EPHA3: variants seen among roughly 807,000 people sequenced by gnomAD.
EPHA3 encodes the protein ephrin type-A receptor 3.
A neutral mutation model predicts 107.1 loss-of-function variants in EPHA3; 42 were observed. The ratio of observed to expected loss-of-function variants is 0.39; its 90% CI spans 0.31 to 0.51. EPHA3 has a LOEUF of 0.51. Among genes scored for constraint, EPHA3 ranks in the 20% least tolerant of loss-of-function variants. EPHA3 has a pLI of 0.78. For synonymous variants in EPHA3, 461 were observed against 424.8 expected, an observed-to-expected ratio of 1.09 and a Z score of -1.05; for missense variants, 1,183 against 1,211.2, an observed-to-expected ratio of 0.98 and a Z score of 0.35.
chr3:89,383,073 T>C (rs897196948), intron 5 of EPHA3, among the ~76,000 whole-genome samples: 1 of 152,202 alleles, frequency 6.6e-6, no homozygotes, highest in Non-Finnish European at 1.5e-5. Context: ...ATTCTATTCA[T>C]AAATTTGAAA....
intron 15 of EPHA3, among the ~76,000 whole-genome samples, chr3:89,468,670 G>T (rs1372578223): frequency 1.7e-4 from 26 of 152,106 alleles, no homozygotes; most frequent in Non-Finnish European, 3.7e-4. Context: ...GGTTTCACAT[G>T]ATTTTTCTTC....
At chr3:89,167,549 C>A (rs1452816903) in intron 2 of EPHA3, among the ~76,000 whole-genome samples, 1 of 151,898 alleles carries the variant, frequency 6.6e-6, no homozygotes, top group Non-Finnish European at 1.5e-5. Context: ...ATACTAACTC[C>A]ATAGTTTGAA....
Position 89,355,825 on chromosome 3 carries a change from TA to T in EPHA3, c.1306+13736del, listed in dbSNP as rs1326566720. On this transcript the variant is annotated intron_variant, in intron 5 of 16. Coordinates refer to ENST00000336596, the MANE Select transcript of EPHA3 (RefSeq NM_005233.6). ...AATTAAAAATGTGAATAAATATATATATATTTTTTATTTTATTATTATTATA... is the reference window on the plus strand; with the variant it reads ...AATTAAAAATGTGAATAAATATATATTATTTTTTATTTTATTATTATTATA... Among the ~76,000 whole-genome samples, 73 of 148,642 alleles carry T rather than the reference TA, an allele frequency of 4.9e-4. 2 individuals carry two copies. Among genetic ancestry groups the T allele is most frequent in the Admixed American group, 3.2e-3 (48 of 14,782 alleles).
chr3:89,446,007 C>T (rs1379663759), intron 13 of EPHA3, among the ~76,000 whole-genome samples: 1 of 152,090 alleles, frequency 6.6e-6, no homozygotes, highest in Non-Finnish European at 1.5e-5. Flanking sequence ...CAGGCTACAA[C>T]AATTACAAAA....
At chr3:89,156,649 T>C (rs1188781064) in intron 2 of EPHA3, among the ~76,000 whole-genome samples, 1 of 151,994 alleles carries the variant, frequency 6.6e-6, no homozygotes. Context: ...TTTGTGAAAA[T>C]GTTTACTTCT....
At chr3:89,428,516 G>T (rs894335683) in intron 11 of EPHA3, among the ~76,000 whole-genome samples, 1 of 151,932 alleles carries the variant, frequency 6.6e-6, no homozygotes, top group Admixed American at 6.6e-5. Flanking sequence ...TTTAAACATA[G>T]CATTCATTTC....
At chr3:89,473,699 T>C (rs1250938823) in intron 16 of EPHA3, among the ~76,000 whole-genome samples, 11 of 152,344 alleles carry the variant, frequency 7.2e-5, no homozygotes, top group Non-Finnish European at 1.3e-4. Flanking sequence ...AAAGTAGGAC[T>C]GGCTCAGTCC....
At chr3:89,342,119 T>G (rs373524736) in intron 5 of EPHA3, 29 bp downstream of exon 5, 19 of 1,567,828 alleles carry the variant, frequency 1.2e-5, no homozygotes, top group Non-Finnish European at 1.7e-5. Context: ...CTTCTTACTC[T>G]TATCATATCA....
intron 2 of EPHA3, among the ~76,000 whole-genome samples, chr3:89,137,901 T>A (rs1250545416): frequency 1.3e-5 from 2 of 152,010 alleles, no homozygotes; most frequent in Non-Finnish European, 2.9e-5. Context: ...CAGTAGTTGT[T>A]AGAAATGCAA....
intron 5 of EPHA3, among the ~76,000 whole-genome samples, chr3:89,361,474 T>C (rs1708089910): frequency 6.6e-6 from 1 of 150,970 alleles, no homozygotes; most frequent in African/African-American, 2.4e-5. Context: ...GTTCAATGAC[T>C]GTTAGTACAG....
chr3:89,481,159 A>G lies in EPHA3; in HGVS notation c.*1657A>G. ...ATAATGCTGCAAACTTAATGTTCTT[A>G]TGCAAAATGGAACGCTAATGAAACA... On this transcript the variant is annotated 3_prime_UTR_variant, in exon 17 of 17. Coordinates refer to ENST00000336596, the MANE Select transcript of EPHA3 (RefSeq NM_005233.6). The G allele has an allele frequency of 4.3e-6, 1 of 232,298 alleles. No homozygotes were observed. 14.4% of individuals were successfully genotyped at this position (232,298 alleles called of 1,614,324 possible). A position where few individuals can be genotyped will look rare whatever the true frequency, so the allele number is the denominator to read the frequency against.
chr3:89,180,435 G>T (rs1471232966), intron 2 of EPHA3, among the ~76,000 whole-genome samples: 2 of 151,902 alleles, frequency 1.3e-5, no homozygotes, highest in Non-Finnish European at 2.9e-5. Context: ...AATTTATGGT[G>T]TGTATATTTA....
At chr3:89,354,357 A>G (rs1707899898) in intron 5 of EPHA3, among the ~76,000 whole-genome samples, 1 of 151,276 alleles carries the variant, frequency 6.6e-6, no homozygotes, top group Admixed American at 6.6e-5. Context: ...CTTTCATAAT[A>G]AATTCTTAAT....
chr3:89,169,630 A>G (rs540763478), intron 2 of EPHA3, among the ~76,000 whole-genome samples: 31 of 152,230 alleles, frequency 2.0e-4, no homozygotes, highest in Non-Finnish European at 3.7e-4. Context: ...GTATATTTTC[A>G]GATATCATAT....
intron 3 of EPHA3, among the ~76,000 whole-genome samples, chr3:89,264,408 AT>A (rs1273210900): frequency 6.6e-6 from 1 of 151,996 alleles, no homozygotes; most frequent in Non-Finnish European, 1.5e-5. Flanking sequence ...GAATCTGCAG[AT>A]TCCTGGTCAG....
intron 3 of EPHA3, among the ~76,000 whole-genome samples, chr3:89,225,715 G>C (rs551289110): frequency 1.5e-3 from 231 of 152,212 alleles, no homozygotes; most frequent in Admixed American, 2.7e-3. Flanking sequence ...CCTATTTTAG[G>C]TACATAGTTT....
At chr3:89,352,367 T>A (rs1351421711) in intron 5 of EPHA3, among the ~76,000 whole-genome samples, 3 of 150,554 alleles carry the variant, frequency 2.0e-5, no homozygotes, top group Non-Finnish European at 3.0e-5. Flanking sequence ...TAATTCAAAA[T>A]GTTGTCACTA....
At chr3:89,330,637 T>C (rs1277964714) in intron 3 of EPHA3, among the ~76,000 whole-genome samples, 3 of 152,122 alleles carry the variant, frequency 2.0e-5, no homozygotes, top group Non-Finnish European at 2.9e-5. Flanking sequence ...TAAAATGCAA[T>C]GATGTCACCA....
At chr3:89,367,257 C>T (rs1390005025) in intron 5 of EPHA3, among the ~76,000 whole-genome samples, 2 of 150,668 alleles carry the variant, frequency 1.3e-5, no homozygotes, top group East Asian at 1.9e-4. Flanking sequence ...TTTATATACA[C>T]GTATGGAAAT....
Sources: allele counts gnomAD v4.1 joint callset (sites outside exome capture counted in the v4.1 genomes callset), GRCh38; gene constraint gnomAD v4.1.1; transcripts MANE v1.5; gene names NCBI Gene and HGNC (gene_info 2026-07-23, HGNC 2026-07-21).